ANK2: variants seen among roughly 807,000 people sequenced by gnomAD.
The protein encoded by ANK2 is ankyrin 2.
In ANK2, 83 loss-of-function variants were observed where a neutral mutation model predicts 360.5. That is an observed-to-expected ratio of 0.23 (90% confidence interval 0.19 to 0.28). ANK2 has a LOEUF of 0.28. Among genes scored for constraint, ANK2 ranks in the 10% least tolerant of loss-of-function variants. The pLI, the probability that ANK2 is intolerant of heterozygous loss-of-function variation, is 1.00. For synonymous variants in ANK2, 1,740 were observed against 1,759.5 expected, an observed-to-expected ratio of 0.99 and a Z score of 0.28; for missense variants, 4,201 against 4,795.7, an observed-to-expected ratio of 0.88 and a Z score of 3.66.
At chr4:112,847,411 G>A (rs1234734543) in intron 1 of ANK2, among the ~76,000 whole-genome samples, 6 of 151,968 alleles carry the variant, frequency 3.9e-5, no homozygotes, top group Non-Finnish European at 8.8e-5. Context: ...ATTTGTTACC[G>A]AGTTCTATTT....
At chr4:113,173,736 A>G (rs1444641528) in intron 1 of ANK2, among the ~76,000 whole-genome samples, 1 of 152,172 alleles carries the variant, frequency 6.6e-6, no homozygotes, top group Non-Finnish European at 1.5e-5. Context: ...CAGAGTGATC[A>G]TCTTTACCAA....
rs1056901729 is a variant in ANK2, at chr4:113,151,109, C to A, written c.85-23307C>A. Reference sequence around the variant, plus strand: ...CATGCCCCCAGATGAAACCAGAGGCCGCCAACATTGAAAAGGTGATGGAAG... The same window carrying A: ...CATGCCCCCAGATGAAACCAGAGGCAGCCAACATTGAAAAGGTGATGGAAG... On this transcript the variant is annotated intron_variant, in intron 1 of 45. Transcript: ENST00000357077. 3.1e-6 allele frequency: 4 copies of A among 1,288,778 alleles called. No homozygotes were observed. The Admixed American group carries it at 6.9e-5, about 22-fold the overall frequency. 79.8% of individuals were successfully genotyped at this position (1,288,778 alleles called of 1,614,324 possible).
At chr4:112,877,325 A>C (rs755958528) in intron 1 of ANK2, among the ~76,000 whole-genome samples, 1 of 152,132 alleles carries the variant, frequency 6.6e-6, no homozygotes, top group Non-Finnish European at 1.5e-5. Flanking sequence ...CATCAGTTCT[A>C]TTGCCTACTG....
In ANK2 at chr4:113,049,823, G is replaced by A. The variant is rs759736399; in HGVS notation, c.84+11G>A. The stretch of plus-strand genomic sequence containing the variant: ...AAAAGACCCAAGAAGGTAAATCGCC[G>A]GAATTAGGAATGTCTGTGTATAAAT... On this transcript the variant is annotated intron_variant, in intron 1 of 45. Transcript: ENST00000357077. The A allele has an allele frequency of 6.1e-5, 98 of 1,613,004 alleles. No individual in the cohort carries two copies. The highest frequency in any genetic ancestry group is 8.1e-5 in the Non-Finnish European group (96 of 1,179,392).
chr4:113,029,143 T>C (rs923101143), intron 2 of ANK2, among the ~76,000 whole-genome samples: 1 of 152,168 alleles, frequency 6.6e-6, no homozygotes, highest in African/African-American at 2.4e-5. Context: ...GTGTGGATTA[T>C]ATATTACTTG....
chr4:113,155,032 A>G (rs2097229961), intron 1 of ANK2, among the ~76,000 whole-genome samples: 1 of 152,218 alleles, frequency 6.6e-6, no homozygotes, highest in Non-Finnish European at 1.5e-5. Context: ...AAAAGTAAAG[A>G]CAGTAAACAC....
At chr4:113,193,199 A>G (rs1184372658) in intron 2 of ANK2, among the ~76,000 whole-genome samples, 1 of 152,222 alleles carries the variant, frequency 6.6e-6, no homozygotes, top group Non-Finnish European at 1.5e-5. Flanking sequence ...TTAAATTATC[A>G]TTTGGGAATT....
intron 13 of ANK2, among the ~76,000 whole-genome samples, chr4:113,262,521 C>A (rs952099299): frequency 6.6e-6 from 1 of 152,088 alleles, no homozygotes; most frequent in African/African-American, 2.4e-5. Flanking sequence ...TGAGCCACTG[C>A]AACTGGTCTT....
chr4:113,332,193 G>A (rs2092624885), intron 28 of ANK2, 123 bp downstream of exon 28: 2 of 898,008 alleles, frequency 2.2e-6, no homozygotes, highest in African/African-American at 3.3e-5. Context: ...TTTAAATTCT[G>A]TATAACCTAT....
chr4:112,958,243 G>A (rs1055817536), intron 2 of ANK2, among the ~76,000 whole-genome samples: 1 of 152,230 alleles, frequency 6.6e-6, no homozygotes, highest in Non-Finnish European at 1.5e-5. Context: ...CAAGGCAGGC[G>A]GCTGGGAGGT....
the ANK2 span, among the ~76,000 whole-genome samples, chr4:112,752,933 T>C: frequency 6.6e-6 from 1 of 152,310 alleles, no homozygotes; most frequent in South Asian, 2.1e-4. Context: ...CCCAAAGTGC[T>C]GGGACTACAA....
chr4:113,022,950 A>G (rs1167085387), intron 2 of ANK2, among the ~76,000 whole-genome samples: 2 of 152,150 alleles, frequency 1.3e-5, no homozygotes, highest in African/African-American at 4.8e-5. Context: ...AATTGCACAC[A>G]CATAACTCTG....
intron 1 of ANK2, among the ~76,000 whole-genome samples, chr4:113,122,731 A>C (rs1488063586): frequency 1.3e-5 from 2 of 152,108 alleles, no homozygotes; most frequent in Non-Finnish European, 1.5e-5. Context: ...TAAATGTGGT[A>C]GTTTCCATAG....
At chr4:112,986,441 G>A (rs1412683467) in intron 2 of ANK2, among the ~76,000 whole-genome samples, 1 of 152,058 alleles carries the variant, frequency 6.6e-6, no homozygotes, top group Non-Finnish European at 1.5e-5. Context: ...AGCCAGCAGA[G>A]GGTTTTTGTT....
At chr4:113,245,662 A>G (rs1043885977) in intron 9 of ANK2, among the ~76,000 whole-genome samples, 3 of 152,186 alleles carry the variant, frequency 2.0e-5, no homozygotes, top group Non-Finnish European at 2.9e-5. Context: ...GGTCCCTCCC[A>G]TGACACATAG....
chr4:112,743,951 C>T, the ANK2 span, among the ~76,000 whole-genome samples: 1 of 152,078 alleles, frequency 6.6e-6, no homozygotes, highest in African/African-American at 2.4e-5. Context: ...GCCTCAGCCT[C>T]CCGAGTAGCT....
chr4:113,176,542 A>G (rs1370690495), intron 2 of ANK2, among the ~76,000 whole-genome samples: 1 of 152,140 alleles, frequency 6.6e-6, no homozygotes, highest in Non-Finnish European at 1.5e-5. Flanking sequence ...AAGAACATTC[A>G]AACTCCCATA....
chr4:112,720,006 C>T, the ANK2 span, among the ~76,000 whole-genome samples: 7 of 152,140 alleles, frequency 4.6e-5, no homozygotes, highest in South Asian at 1.2e-3. Flanking sequence ...AGTCAACAGC[C>T]GGATCCTAAA....
At chr4:113,161,692 T>G (rs922701682) in intron 1 of ANK2, among the ~76,000 whole-genome samples, 1 of 140,088 alleles carries the variant, frequency 7.1e-6, no homozygotes, top group Non-Finnish European at 1.5e-5. Context: ...TTTGTTTTAG[T>G]CTCGTGTGTG....
Sources: gnomAD v4.1 joint callset for allele counts (sites outside exome capture counted in the v4.1 genomes callset) on GRCh38, gnomAD v4.1.1 for gene constraint, MANE v1.5 for transcripts, NCBI Gene and HGNC (gene_info 2026-07-23, HGNC 2026-07-21) for gene names.